Variants in MED12L observed in about 807,000 individuals in gnomAD.
MED12L encodes the protein mediator complex subunit 12L, also known as mediator of RNA polymerase II transcription subunit 12-like protein.
In MED12L, 60 loss-of-function variants were observed where a neutral mutation model predicts 281.3. The ratio of observed to expected loss-of-function variants is 0.21; its 90% CI spans 0.17 to 0.26. The LOEUF is 0.26. Ranked by LOEUF, MED12L falls within the 10% of genes least tolerant of loss-of-function variation. The pLI is 1.00. For synonymous variants in MED12L, 974 were observed against 987.2 expected, an observed-to-expected ratio of 0.99 and a Z score of 0.25; for missense variants, 2,146 against 2,680.9, an observed-to-expected ratio of 0.80 and a Z score of 4.41.
In MED12L at chr3:151,356,034, A is replaced by G. The variant is rs746012190; in HGVS notation, c.2656A>G (p.Ile886Val). The change falls in exon 19 of 45, where the codon ATA becomes GTA. Residue 886 changes from isoleucine (I) to valine (V), a missense_variant. Around this residue, in one of 9 missense-constraint regions of MED12L, gnomAD observed 404 missense variants for 603.5 expected, o/e 0.67. Transcript: ENST00000687756. ...LNINGLIDFAIQLLNELSVVE... is the reference protein window; with the variant it reads ...LNINGLIDFAVQLLNELSVVE... ...CATCAACGGACTAATTGACTTCGCAATACAGGTGTCAAAGAGACCATGTTT... is the reference window on the plus strand; with the variant it reads ...CATCAACGGACTAATTGACTTCGCAGTACAGGTGTCAAAGAGACCATGTTT... 3.1e-6 allele frequency: 5 copies of G among 1,610,226 alleles called. No homozygotes were observed. Among genetic ancestry groups the G allele is most frequent in the East Asian group, 2.2e-5 (1 of 44,824 alleles).
chr3:151,213,882 T>C, intron 16 of MED12L: 1 of 1,614,052 alleles, frequency 6.2e-7, no homozygotes, highest in South Asian at 1.1e-5. Context: ...TGAGCATCCA[T>C]ACTATCACTG....
At chr3:151,330,721 C>G (rs1488060898) in intron 16 of MED12L, among the ~76,000 whole-genome samples, 1 of 152,128 alleles carries the variant, frequency 6.6e-6, no homozygotes, top group African/African-American at 2.4e-5. Flanking sequence ...TGAGGCAATA[C>G]AGTGTCTAAT....
chr3:151,237,448 C>G (rs1198422939), intron 16 of MED12L, among the ~76,000 whole-genome samples: 3 of 139,354 alleles, frequency 2.2e-5, no homozygotes, highest in Non-Finnish European at 4.6e-5. Context: ...CTCCTGGGTT[C>G]AAGCGATTCT....
chr3:151,416,191 C>T (rs1361137976), intron 42 of MED12L, 121 bp from the exon 43 acceptor site: 2 of 1,532,614 alleles, frequency 1.3e-6, no homozygotes, highest in African/African-American at 2.7e-5. Context: ...ATGCAGCAGG[C>T]AGGTATATAT....
intron 16 of MED12L, among the ~76,000 whole-genome samples, chr3:151,239,787 T>G (rs1041339032): frequency 1.3e-5 from 2 of 152,186 alleles, no homozygotes; most frequent in African/African-American, 4.8e-5. Context: ...AGTTTGCTTG[T>G]TTTAGCACTC....
intron 11 of MED12L, among the ~76,000 whole-genome samples, chr3:151,178,844 T>C (rs769251263): frequency 1.5e-4 from 23 of 152,210 alleles, no homozygotes; most frequent in Non-Finnish European, 2.5e-4. Context: ...TAATCTATCA[T>C]CATTATTGAT....
At chr3:151,199,415 T>C (rs370773717) in intron 16 of MED12L, 5 of 1,551,004 alleles carry the variant, frequency 3.2e-6, no homozygotes, top group Admixed American at 2.1e-5. Flanking sequence ...TGACTGCTTA[T>C]TGAAAAGAAA....
At chr3:151,100,288 A>G (rs2116290) in intron 2 of MED12L, among the ~76,000 whole-genome samples, 113,228 of 152,148 alleles carry the variant, frequency 0.74, 43,449 homozygotes, top group African/African-American at 0.93. Flanking sequence ...CCCACATCCA[A>G]TGTGCTGCAG....
intron 36 of MED12L, among the ~76,000 whole-genome samples, chr3:151,387,204 T>C (rs1174891370): frequency 6.6e-6 from 1 of 151,942 alleles, no homozygotes; most frequent in East Asian, 1.9e-4. Context: ...GTAACCGTTT[T>C]TTTTTTTCTA....
chr3:151,289,343 C>T (rs1248872478), intron 16 of MED12L, among the ~76,000 whole-genome samples: 5 of 152,158 alleles, frequency 3.3e-5, no homozygotes, highest in Non-Finnish European at 5.9e-5. Context: ...TTGACTCATA[C>T]TTACAAAGGT....
At chr3:151,401,952 G>A (rs991687559) in intron 39 of MED12L, among the ~76,000 whole-genome samples, 10 of 152,136 alleles carry the variant, frequency 6.6e-5, no homozygotes, top group Non-Finnish European at 1.2e-4. Flanking sequence ...TAATGAGCTC[G>A]GAGATAGTGT....
chr3:151,287,034 A>C (rs574936179), intron 16 of MED12L, among the ~76,000 whole-genome samples: 8 of 152,190 alleles, frequency 5.3e-5, no homozygotes, highest in African/African-American at 1.7e-4. Flanking sequence ...GTACTTCCTT[A>C]TGGGTTTGTT....
intron 3 of MED12L, among the ~76,000 whole-genome samples, chr3:151,119,978 G>A (rs113266913): frequency 3.3e-5 from 5 of 151,758 alleles, no homozygotes; most frequent in South Asian, 2.1e-4. Context: ...CAGCACTTTG[G>A]GGGGCTGAGG....
intron 43 of MED12L, among the ~76,000 whole-genome samples, chr3:151,420,448 G>A (rs1718106117): frequency 6.6e-6 from 1 of 152,126 alleles, no homozygotes; most frequent in Non-Finnish European, 1.5e-5. Context: ...GTGGGAACAG[G>A]AAGCAAAAAT....
At chr3:151,189,540 A>G (rs954808473) in intron 13 of MED12L, among the ~76,000 whole-genome samples, 25 of 152,100 alleles carry the variant, frequency 1.6e-4, no homozygotes, top group Middle Eastern at 3.4e-3. Context: ...CTTTAGGAAA[A>G]ACTCCTTACT....
intron 2 of MED12L, among the ~76,000 whole-genome samples, chr3:151,100,823 G>A (rs759280937): frequency 1.8e-4 from 28 of 152,180 alleles, no homozygotes; most frequent in Non-Finnish European, 2.9e-4. Flanking sequence ...TTATATTTTC[G>A]TTTACTTAGT....
intron 2 of MED12L, among the ~76,000 whole-genome samples, chr3:151,114,179 A>G (rs1027009737): frequency 3.9e-5 from 6 of 152,186 alleles, no homozygotes; most frequent in African/African-American, 1.4e-4. Flanking sequence ...TTTTCACATA[A>G]TTTATTTGAA....
At chr3:151,258,631 A>G (rs1738270510) in intron 16 of MED12L, among the ~76,000 whole-genome samples, 1 of 152,064 alleles carries the variant, frequency 6.6e-6, no homozygotes, top group African/African-American at 2.4e-5. Context: ...ACAAATAAAC[A>G]TCCTTGGGCT....
intron 16 of MED12L, among the ~76,000 whole-genome samples, chr3:151,277,259 A>G (rs1241355526): frequency 6.6e-6 from 1 of 151,654 alleles, no homozygotes; most frequent in East Asian, 1.9e-4. Context: ...ATATATACCA[A>G]TGTGTTAATT....
Sources: allele counts gnomAD v4.1 joint callset (sites outside exome capture counted in the v4.1 genomes callset), GRCh38; gene constraint gnomAD v4.1.1; regional missense constraint gnomAD v4.1.1; transcripts MANE v1.5; gene names NCBI Gene and HGNC (gene_info 2026-07-23, HGNC 2026-07-21).